MALL: variants seen among roughly 807,000 people sequenced by gnomAD.
MALL encodes mal, T cell differentiation protein like.
A neutral mutation model predicts 10.3 loss-of-function variants in MALL; 2 were observed. The ratio of observed to expected loss-of-function variants is 0.19; its 90% CI spans 0.08 to 0.61. The LOEUF (loss-of-function observed/expected upper bound fraction) is 0.61, where lower values mean the gene tolerates loss of function less well. Among genes scored for constraint, MALL ranks in the 20% least tolerant of loss-of-function variants. The pLI is 0.88. For synonymous variants in MALL, 27 were observed against 51.8 expected, an observed-to-expected ratio of 0.52 and a Z score of 2.05; for missense variants, 39 against 115.2, an observed-to-expected ratio of 0.34 and a Z score of 3.03.
intron 1 of MALL, among the ~76,000 whole-genome samples, chr2:110,111,129 G>A (rs1304000113): frequency 6.6e-6 from 1 of 152,104 alleles, no homozygotes; most frequent in African/African-American, 2.4e-5. Flanking sequence ...ATGGCGAAAA[G>A]TTGAAAGCAT....
intron 1 of MALL, among the ~76,000 whole-genome samples, chr2:110,114,347 C>G (rs1678864858): frequency 6.6e-6 from 1 of 152,056 alleles, no homozygotes; most frequent in African/African-American, 2.4e-5. Flanking sequence ...AGGAAACCAC[C>G]AGGAGGCAGT....
chr2:110,112,873 TATATATATATATGTATATATATAA>T, intron 1 of MALL, among the ~76,000 whole-genome samples: 1 of 149,196 alleles, frequency 6.7e-6, no homozygotes, highest in East Asian at 1.9e-4. Context: ...GAAACTGTGA[TATATATATATATGTATATATATAA>T]ATATATACAT....
At chr2:110,107,288 C>G (rs1678717039) in intron 1 of MALL, among the ~76,000 whole-genome samples, 1 of 152,110 alleles carries the variant, frequency 6.6e-6, no homozygotes, top group Non-Finnish European at 1.5e-5. Flanking sequence ...GGAGGATAGC[C>G]TGGGGCAAGT....
intron 1 of MALL, among the ~76,000 whole-genome samples, chr2:110,105,628 G>A (rs1460307780): frequency 3.9e-5 from 6 of 152,204 alleles, no homozygotes; most frequent in Non-Finnish European, 7.3e-5. Flanking sequence ...GGGGTAAATT[G>A]AGTTAACTTT....
chr2:110,109,322 G>A (rs1025996205), intron 1 of MALL, among the ~76,000 whole-genome samples: 1 of 151,792 alleles, frequency 6.6e-6, no homozygotes, highest in Non-Finnish European at 1.5e-5. Flanking sequence ...TAACACATAA[G>A]GACTCAAATA....
chr2:110,097,566 C>CT (rs2104381910), intron 1 of MALL: 1 of 456,296 alleles, frequency 2.2e-6, no homozygotes, highest in South Asian at 1.6e-5. Flanking sequence ...GGATCACACA[C>CT]TGAGGTTCTG....
At chr2:110,103,543 G>T (rs1678624967) in intron 1 of MALL, among the ~76,000 whole-genome samples, 2 of 152,170 alleles carry the variant, frequency 1.3e-5, no homozygotes, top group Non-Finnish European at 2.9e-5. Context: ...CCAGGGGAAA[G>T]TTCTTCAGGG....
chr2:110,096,370 G>A (rs1241533630), intron 1 of MALL, among the ~76,000 whole-genome samples: 3 of 152,126 alleles, frequency 2.0e-5, no homozygotes, highest in African/African-American at 7.2e-5. Flanking sequence ...TAGCTTGTCT[G>A]TGCCTCTGTG....
intron 1 of MALL, among the ~76,000 whole-genome samples, chr2:110,111,017 A>G (rs1678791615): frequency 6.6e-6 from 1 of 152,184 alleles, no homozygotes; most frequent in Non-Finnish European, 1.5e-5. Context: ...AAAATCCAGC[A>G]TTGCTTTATT....
chr2:110,110,460 A>G (rs974125122), intron 1 of MALL, among the ~76,000 whole-genome samples: 6 of 152,132 alleles, frequency 3.9e-5, no homozygotes, highest in Non-Finnish European at 8.8e-5. Context: ...CATAAACTAG[A>G]AAACCTAGAG....
intron 1 of MALL, among the ~76,000 whole-genome samples, chr2:110,096,342 C>A (rs1335186508): frequency 6.6e-6 from 1 of 152,148 alleles, no homozygotes; most frequent in East Asian, 1.9e-4. Context: ...CCCAGCTCTG[C>A]CTGGTGGGTA....
At chr2:110,103,282 A>G (rs1416447790) in intron 1 of MALL, among the ~76,000 whole-genome samples, 1 of 152,068 alleles carries the variant, frequency 6.6e-6, no homozygotes, top group African/African-American at 2.4e-5. Context: ...GCAGCCATCC[A>G]TTCTGGCTGA....
chr2:110,095,348 G>T (rs530314199), intron 1 of MALL, among the ~76,000 whole-genome samples: 1 of 152,052 alleles, frequency 6.6e-6, no homozygotes, highest in African/African-American at 2.4e-5. Flanking sequence ...TGATTACAGC[G>T]AGCCATTTAG....
rs571706637 is a variant in MALL, at chr2:110,099,889, C to A, written c.106-8119G>T. Among the ~76,000 whole-genome samples the A allele has an allele frequency of 7.2e-5, 11 of 152,206 alleles. No homozygotes were observed. The East Asian group carries it at 2.1e-3, about 29-fold the overall frequency. ...AGCTGCTGACCCAGATCGCAGGACA[C>A]GAGATAGTGCATTTCCCTTCTGTTA... On this transcript the variant is annotated intron_variant, in intron 1 of 3. Coordinates refer to ENST00000272462, the MANE Select transcript of MALL (RefSeq NM_005434.5).
chr2:110,116,668 G>C (rs1678929024), upstream of MALL: 1 of 152,314 alleles, frequency 6.6e-6, no homozygotes, highest in African/African-American at 2.4e-5. Flanking sequence ...GCAAGTCAGG[G>C]AGCTGAATGC....
Position 110,096,537 on chromosome 2 carries a change from G to A in MALL, c.106-4767C>T, listed in dbSNP as rs1188561226. Among the ~76,000 whole-genome samples, 3 of 152,144 alleles carry A rather than the reference G, an allele frequency of 2.0e-5. No homozygotes were observed. In the East Asian group the frequency reaches 5.8e-4, roughly 29 times the overall value. On this transcript the variant is annotated intron_variant, in intron 1 of 3. Coordinates refer to ENST00000272462, the MANE Select transcript of MALL (RefSeq NM_005434.5). ...CAGAGGGCAGGAAGGGACATTCCAT[G>A]AGAAAGATACAGAGGAGGGAATGTC... is the stretch of plus-strand genomic sequence containing the variant.
chr2:110,110,403 C>A (rs1194296539), intron 1 of MALL, among the ~76,000 whole-genome samples: 1 of 152,044 alleles, frequency 6.6e-6, no homozygotes, highest in African/African-American at 2.4e-5. Context: ...ACTGACACCA[C>A]CAAAATACAA....
chr2:110,110,850 T>C (rs1387579193), intron 1 of MALL, among the ~76,000 whole-genome samples: 1 of 152,130 alleles, frequency 6.6e-6, no homozygotes, highest in African/African-American at 2.4e-5. Flanking sequence ...TCCAACAATG[T>C]ATCAAAAAGA....
chr2:110,096,575 C>T, intron 1 of MALL, among the ~76,000 whole-genome samples: 1 of 152,006 alleles, frequency 6.6e-6, no homozygotes, highest in Admixed American at 6.6e-5. Flanking sequence ...AGAGAGGCCT[C>T]TCTAAAGGAT....
Sources: gnomAD v4.1 joint callset for allele counts (sites outside exome capture counted in the v4.1 genomes callset) on GRCh38, gnomAD v4.1.1 for gene constraint, MANE v1.5 for transcripts, NCBI Gene and HGNC (gene_info 2026-07-23, HGNC 2026-07-21) for gene names.